MYOF: variants seen among roughly 807,000 people sequenced by gnomAD.
MYOF encodes the protein myoferlin, also known as fer-1-like 3, myoferlin.
A neutral mutation model predicts 284.2 loss-of-function variants in MYOF; 244 were observed. The observed-to-expected ratio is 0.86, with a 90% CI of 0.77 to 0.95. The LOEUF (loss-of-function observed/expected upper bound fraction) is 0.95. Among genes scored for constraint, MYOF ranks in the 40% least tolerant of loss-of-function variants. The pLI, the probability that MYOF is intolerant of heterozygous loss-of-function variation, is 0.00. For missense variants in MYOF, 2,496 were observed against 2,560.6 expected, an observed-to-expected ratio of 0.97 and a Z score of 0.54; for synonymous variants, 904 against 919.7, an observed-to-expected ratio of 0.98 and a Z score of 0.31.
In MYOF at chr10:93,399,483, A is replaced by G. The variant is rs768911824; in HGVS notation, c.1130T>C (p.Phe377Ser). Residue 377 changes from phenylalanine (F) to serine (S), a missense_variant, in exon 13 of 54, where the codon TTC becomes TCC. Transcript: ENST00000359263. ...AAATATTTCCTTTACTGTCTGTGAG[A>G]AGGCATCATCCACTGGAAGGTAATA... Reference protein sequence around the residue: ...AEDIPQMDDAFSQTVKEIFGG... With the variant: ...AEDIPQMDDASSQTVKEIFGG... The G allele has an allele frequency of 1.2e-6, 2 of 1,611,920 alleles. No homozygotes were observed. Among genetic ancestry groups the G allele is most frequent in the East Asian group, 4.5e-5 (2 of 44,858 alleles).
At chr10:93,343,738 G>A in intron 38 of MYOF, 118 bp downstream of exon 38, 1 of 1,020,500 alleles carries the variant, frequency 9.8e-7, no homozygotes. Flanking sequence ...TCAATAAATG[G>A]ATTGGCTGAT....
intron 19 of MYOF, among the ~76,000 whole-genome samples, chr10:93,387,400 G>A (rs939574475): frequency 2.0e-5 from 3 of 152,316 alleles, no homozygotes; most frequent in Non-Finnish European, 2.9e-5. Flanking sequence ...AGGAGGAAGC[G>A]GGGTTCACAG....
At chr10:93,363,889 GGCT>G (rs1788987031) in intron 27 of MYOF, 69 bp downstream of exon 27, 2 of 1,365,498 alleles carry the variant, frequency 1.5e-6, no homozygotes, top group Admixed American at 3.6e-5. Context: ...CAAGCCAGGT[GGCT>G]GCTGGGTTCC....
intron 22 of MYOF, among the ~76,000 whole-genome samples, chr10:93,376,516 C>T (rs1845841955): frequency 6.6e-6 from 1 of 152,122 alleles, no homozygotes; most frequent in Admixed American, 6.6e-5. Context: ...AACAAGCACC[C>T]CAGCAGTACT....
intron 1 of MYOF, among the ~76,000 whole-genome samples, chr10:93,464,685 C>T (rs2056962672): frequency 6.6e-6 from 1 of 152,158 alleles, no homozygotes; most frequent in Admixed American, 6.6e-5. Context: ...TTCCCCCAGA[C>T]TTATGGTACA....
In MYOF at chr10:93,351,193, A is replaced by G. The variant is rs773811906; in HGVS notation, c.3921+4T>C. 6.2e-7 allele frequency: 1 copy of G among 1,613,708 alleles called. No individual in the cohort carries two copies. Among genetic ancestry groups the G allele is most frequent in the Non-Finnish European group, 8.5e-7 (1 of 1,179,710 alleles). ...TGATGAGTAACACGTGGGGAGCAGC[A>G]TACCTCAATGGCAGTGAGCTGGACC... On this transcript the variant is annotated splice_donor_region_variant and intron_variant, in intron 35 of 53. Transcript: ENST00000359263.
chr10:93,335,853 C>T (rs947527067), intron 41 of MYOF, 68 bp downstream of exon 41: 110 of 1,552,028 alleles, frequency 7.1e-5, no homozygotes, highest in Non-Finnish European at 9.6e-5. Context: ...GCCTGGTTGT[C>T]CTTTATTCTA....
chr10:93,444,003 C>T (rs1424323196), intron 3 of MYOF, among the ~76,000 whole-genome samples: 3 of 152,186 alleles, frequency 2.0e-5, no homozygotes, highest in African/African-American at 7.2e-5. Context: ...GCCTTGAGTT[C>T]CACATCTCTC....
chr10:93,413,013 G>A (rs1206109487), intron 5 of MYOF, among the ~76,000 whole-genome samples: 1 of 152,022 alleles, frequency 6.6e-6, no homozygotes, highest in Non-Finnish European at 1.5e-5. Context: ...GGCCTAAGTG[G>A]TACTTCCTCC....
intron 19 of MYOF, among the ~76,000 whole-genome samples, chr10:93,386,628 C>A (rs1846378248): frequency 6.6e-6 from 1 of 152,188 alleles, no homozygotes; most frequent in South Asian, 2.1e-4. Flanking sequence ...GCAGCTCAAG[C>A]ACTGGACCAC....
chr10:93,310,678 T>C (rs746123556), intron 51 of MYOF, 35 bp from the exon 52 acceptor site: 1 of 1,574,502 alleles, frequency 6.4e-7, no homozygotes, highest in Non-Finnish European at 8.7e-7. Context: ...ACATATGACA[T>C]CATGTTTCAC....
chr10:93,445,864 T>G (rs2056414007), intron 3 of MYOF, among the ~76,000 whole-genome samples: 1 of 152,230 alleles, frequency 6.6e-6, no homozygotes, highest in Non-Finnish European at 1.5e-5. Flanking sequence ...GCCCCAACCC[T>G]GCACTTCAGG....
Position 93,329,810 on chromosome 10 carries a change from T to A in MYOF, c.4836A>T (p.Leu1612Phe). The part of the protein sequence containing the change: ...FGRMYELSCY[L>F]PQEKDLKISV... Reference sequence around the variant, plus strand: ...AAATTTTCAGGTCTTTTTCTTGAGGTAAGTAGCAGCTCAGTTCGTACATCC... The same window carrying A: ...AAATTTTCAGGTCTTTTTCTTGAGGAAAGTAGCAGCTCAGTTCGTACATCC... Residue 1612 changes from leucine to phenylalanine, a missense_variant, in exon 44 of 54, where the codon TTA becomes TTT. By Grantham distance (22) the Leu-to-Phe change is conservative. This residue lies in a region of MYOF where 2,436 missense variants were observed against 2,480.7 expected (regional missense o/e 0.98). Transcript: ENST00000359263. 2 of 1,614,184 alleles carry A rather than the reference T, an allele frequency of 1.2e-6. No homozygotes were observed. Among genetic ancestry groups the A allele is most frequent in the Non-Finnish European group, 1.7e-6 (2 of 1,180,036 alleles).
At position 93,373,038 on chromosome 10, in the gene MYOF, C is replaced by G. The variant is rs534145089; in HGVS notation, c.2349G>C (p.Glu783Asp). The change falls in exon 24 of 54, where the codon GAG (glutamate) becomes GAC (aspartate). Residue 783 changes from glutamate (E) to aspartate (D), a missense_variant. Physicochemically the swap from Glu to Asp is conservative, Grantham distance 45. Coordinates refer to ENST00000359263, the MANE Select transcript of MYOF (RefSeq NM_013451.4). The stretch of plus-strand genomic sequence containing the variant: ...GAATTCGTGCATAGGCCAGTCTCTT[C>G]TCTCCCCGGATCATCCAGATGATGA... ...PDIIIWMIRG[E>D]KRLAYARIPA... The G allele has an allele frequency of 3.5e-5, 56 of 1,614,188 alleles. No individual in the cohort carries two copies. In the African/African-American group the frequency reaches 6.0e-4, roughly 17 times the overall value.
intron 51 of MYOF, 72 bp from the exon 52 acceptor site, chr10:93,310,715 T>A: frequency 7.3e-7 from 1 of 1,362,696 alleles, no homozygotes; most frequent in African/African-American, 1.4e-5. Flanking sequence ...ACCCAAGGAG[T>A]ATTCCCCGAG....
In MYOF at chr10:93,332,621, A is replaced by G. The variant is rs1032727422; in HGVS notation, c.4811+600T>C. Among the ~76,000 whole-genome samples the G allele has an allele frequency of 1.6e-4, 24 of 151,718 alleles. No individual in the cohort carries two copies. The South Asian group carries it at 1.9e-3, about 12-fold the overall frequency. On this transcript the variant is annotated intron_variant, in intron 43 of 53. Coordinates refer to ENST00000359263, the MANE Select transcript of MYOF (RefSeq NM_013451.4). Reference sequence around the variant, plus strand: ...AGCACTTTGGGAGGGCGAGGCGGGCAGATCACAAGGTCAGGAGATTGAGAC... The same window carrying G: ...AGCACTTTGGGAGGGCGAGGCGGGCGGATCACAAGGTCAGGAGATTGAGAC...
chr10:93,338,738 G>A (rs1843730926), intron 39 of MYOF, among the ~76,000 whole-genome samples: 1 of 152,238 alleles, frequency 6.6e-6, no homozygotes, highest in Middle Eastern at 3.4e-3. Context: ...AGTCCAATAC[G>A]TAGACAGTGT....
At chr10:93,479,516 G>A (rs1017214322) in intron 1 of MYOF, among the ~76,000 whole-genome samples, 1 of 152,178 alleles carries the variant, frequency 6.6e-6, no homozygotes, top group African/African-American at 2.4e-5. Flanking sequence ...AAAGCAAGAA[G>A]AGTGCTGTGT....
At chr10:93,453,626 C>A (rs929375634) in intron 2 of MYOF, among the ~76,000 whole-genome samples, 1 of 152,140 alleles carries the variant, frequency 6.6e-6, no homozygotes, top group Non-Finnish European at 1.5e-5. Context: ...ACACACCCAG[C>A]CTGGGAATGG....
Sources: allele counts gnomAD v4.1 joint callset (sites outside exome capture counted in the v4.1 genomes callset), GRCh38; gene constraint gnomAD v4.1.1; regional missense constraint gnomAD v4.1.1; transcripts MANE v1.5; gene names NCBI Gene and HGNC (gene_info 2026-07-23, HGNC 2026-07-21).